The following CMTM8 variants were observed in gnomAD, a reference collection of about 807,000 sequenced individuals.
The protein encoded by CMTM8 is CKLF-like MARVEL transmembrane domain-containing protein 8.
Under a neutral mutation model 18.6 loss-of-function variants are expected in CMTM8, and 12 were observed. That is an observed-to-expected ratio of 0.65 (90% CI 0.41 to 1.05). The LOEUF is 1.05. Ranked by LOEUF, CMTM8 falls within the 50% of genes least tolerant of loss-of-function variation. The probability of loss-of-function intolerance (pLI) is 0.00; values close to 1 mark genes in which losing one functional copy is unlikely to be tolerated. For synonymous variants in CMTM8, 87 were observed against 90.6 expected, an observed-to-expected ratio of 0.96 and a Z score of 0.23; for missense variants, 217 against 227.2, an observed-to-expected ratio of 0.95 and a Z score of 0.29.
At chr3:32,279,158 T>C (rs887641946) in intron 1 of CMTM8, among the ~76,000 whole-genome samples, 4 of 125,732 alleles carry the variant, frequency 3.2e-5, no homozygotes, top group African/African-American at 1.3e-4. Context: ...ATTTTTCTTA[T>C]AATTAGTGAT....
Position 32,242,663 on chromosome 3 carries a change from A to AC in CMTM8, c.147+3549dup, listed in dbSNP as rs777451314. Among the ~76,000 whole-genome samples, 3 of 151,648 alleles carry AC rather than the reference A, an allele frequency of 2.0e-5. No homozygotes were observed. In the South Asian group the frequency reaches 6.3e-4, roughly 32 times the overall value. ...TTATTTCAATTATTTATCTCCCTCTACCCCCTGACTTCTGGAAATGTGTTG... is the reference window on the plus strand; with the variant it reads ...TTATTTCAATTATTTATCTCCCTCTACCCCCCTGACTTCTGGAAATGTGTTG... On this transcript the variant is annotated intron_variant, in intron 1 of 3. Coordinates refer to ENST00000307526, the MANE Select transcript of CMTM8 (RefSeq NM_178868.5).
At chr3:32,368,939 T>G (rs1559392755) in intron 3 of CMTM8, among the ~76,000 whole-genome samples, 1 of 152,132 alleles carries the variant, frequency 6.6e-6, no homozygotes, top group Non-Finnish European at 1.5e-5. Flanking sequence ...GCCAAAATGA[T>G]TATGTCAAAG....
At chr3:32,332,106 C>G (rs1312141530) in intron 1 of CMTM8, among the ~76,000 whole-genome samples, 2 of 152,040 alleles carry the variant, frequency 1.3e-5, no homozygotes, top group Non-Finnish European at 1.5e-5. Flanking sequence ...AATTGTGAGG[C>G]AACTGTAAAA....
At chr3:32,271,918 C>T (rs748572351) in intron 1 of CMTM8, among the ~76,000 whole-genome samples, 6 of 152,150 alleles carry the variant, frequency 3.9e-5, no homozygotes, top group Non-Finnish European at 4.4e-5. Context: ...AGCTACTTTT[C>T]CACCTACAAA....
intron 1 of CMTM8, among the ~76,000 whole-genome samples, chr3:32,255,957 G>A (rs777232575): frequency 1.3e-5 from 2 of 152,028 alleles, no homozygotes; most frequent in Admixed American, 6.6e-5. Flanking sequence ...CAAACTCCTC[G>A]GCTCAAGCAA....
chr3:32,302,182 T>TCCC lies in CMTM8; in HGVS notation c.148-55191_148-55190insCCC, dbSNP rs1268620345. 4.4e-3 allele frequency among the ~76,000 whole-genome samples: 675 copies of TCCC among 152,046 alleles called. 2 individuals carry two copies. The highest frequency in any genetic ancestry group is 7.1e-3 in the Non-Finnish European group (484 of 67,996). ...GCTGAAATGTGGCACGTGTCATAAC[T>TCCC]ACTTGGAGGTGGGGGCTAAGGTGGG... On this transcript the variant is annotated intron_variant, in intron 1 of 3. Transcript: ENST00000307526.
chr3:32,260,312 C>T (rs112275497), intron 1 of CMTM8: 7,057 of 670,210 alleles, frequency 0.011, 94 homozygotes, highest in Middle Eastern at 0.033. Flanking sequence ...AGTATTATCT[C>T]GCTAACAAAG....
chr3:32,285,160 TA>T (rs1428382261), intron 1 of CMTM8, among the ~76,000 whole-genome samples: 8 of 152,122 alleles, frequency 5.3e-5, no homozygotes, highest in Admixed American at 2.0e-4. Context: ...TTATGTAATA[TA>T]GTAGTAAAAA....
intron 1 of CMTM8, among the ~76,000 whole-genome samples, chr3:32,244,184 A>G (rs1174799049): frequency 1.3e-5 from 2 of 152,100 alleles, no homozygotes; most frequent in African/African-American, 4.8e-5. Flanking sequence ...ACCAACCAAG[A>G]TCTTACCTAA....
At chr3:32,335,269 A>T (rs2125586228) in intron 1 of CMTM8, among the ~76,000 whole-genome samples, 1 of 152,310 alleles carries the variant, frequency 6.6e-6, no homozygotes, top group Non-Finnish European at 1.5e-5. Flanking sequence ...CTGAGAGAGT[A>T]TGAAGCCTTC....
chr3:32,360,212 A>G (rs921417214), intron 2 of CMTM8, among the ~76,000 whole-genome samples: 6 of 152,222 alleles, frequency 3.9e-5, no homozygotes, highest in Admixed American at 2.0e-4. Flanking sequence ...CAACTTGAGA[A>G]TATTCTTCAC....
chr3:32,338,012 TCTCA>T (rs1405194688), intron 1 of CMTM8, among the ~76,000 whole-genome samples: 1 of 143,246 alleles, frequency 7.0e-6, no homozygotes, highest in Non-Finnish European at 1.5e-5. Flanking sequence ...TGAGATGGAG[TCTCA>T]CTCTGTCGCC....
At chr3:32,265,366 C>T (rs1027084186) in intron 1 of CMTM8, among the ~76,000 whole-genome samples, 4 of 152,086 alleles carry the variant, frequency 2.6e-5, no homozygotes, top group Admixed American at 2.0e-4. Flanking sequence ...GGGTACATAA[C>T]GGAATGAAGG....
Position 32,338,951 on chromosome 3 carries a change from G to A in CMTM8, c.148-18422G>A, listed in dbSNP as rs917161581. Reference sequence around the variant, plus strand: ...AGCTTGGAGAATCAGCTTCACTCACGTGGCTGGCAAGTTGGTGCTGGCTAT... The same window carrying A: ...AGCTTGGAGAATCAGCTTCACTCACATGGCTGGCAAGTTGGTGCTGGCTAT... On this transcript the variant is annotated intron_variant, in intron 1 of 3. Coordinates refer to ENST00000307526, the MANE Select transcript of CMTM8 (RefSeq NM_178868.5). Among the ~76,000 whole-genome samples the A allele has an allele frequency of 5.9e-5, 9 of 152,170 alleles. No homozygotes were observed. The East Asian group carries it at 7.7e-4, about 13-fold the overall frequency.
chr3:32,323,317 G>A (rs759107792), intron 1 of CMTM8, among the ~76,000 whole-genome samples: 1 of 152,106 alleles, frequency 6.6e-6, no homozygotes, highest in Non-Finnish European at 1.5e-5. Flanking sequence ...GGATTTCTGG[G>A]AGCAAGCAGC....
At chr3:32,300,662 T>C (rs566059233) in intron 1 of CMTM8, among the ~76,000 whole-genome samples, 93 of 152,316 alleles carry the variant, frequency 6.1e-4, no homozygotes, top group Non-Finnish European at 6.8e-4. Context: ...TTTTATGTTA[T>C]AAAATATTCT....
intron 1 of CMTM8, among the ~76,000 whole-genome samples, chr3:32,332,499 A>C (rs1035918970): frequency 1.3e-5 from 2 of 152,166 alleles, no homozygotes; most frequent in African/African-American, 4.8e-5. Context: ...AGAAGGGCAC[A>C]GAAGGAGGCG....
intron 1 of CMTM8, among the ~76,000 whole-genome samples, chr3:32,252,626 C>T (rs1435051066): frequency 1.3e-5 from 2 of 152,052 alleles, no homozygotes; most frequent in Non-Finnish European, 2.9e-5. Flanking sequence ...TGGGATTTGT[C>T]AAAAATGAAT....
At chr3:32,259,723 G>A in intron 1 of CMTM8, 1 of 1,045,534 alleles carries the variant, frequency 9.6e-7, no homozygotes, top group Non-Finnish European at 1.5e-6. Flanking sequence ...TGGCTCGGAA[G>A]AACTGAGAGG....
Sources: allele counts gnomAD v4.1 joint callset (sites outside exome capture counted in the v4.1 genomes callset), GRCh38; gene constraint gnomAD v4.1.1; transcripts MANE v1.5; gene names NCBI Gene and HGNC (gene_info 2026-07-23, HGNC 2026-07-21).